The following CSMD3 variants were observed in gnomAD, a reference collection of about 807,000 sequenced individuals.
CSMD3 encodes the protein CUB and Sushi multiple domains 3.
CSMD3 carries 177 observed loss-of-function variants against 435.2 expected under a neutral mutation model. That is an observed-to-expected ratio of 0.41 (90% CI 0.36 to 0.46). CSMD3 has a LOEUF of 0.46. Ranked by LOEUF, CSMD3 falls within the 20% of genes least tolerant of loss-of-function variation. The probability of loss-of-function intolerance (pLI) is 0.34; values close to 1 mark genes in which losing one functional copy is unlikely to be tolerated. For missense variants in CSMD3, 4,265 were observed against 4,504.6 expected, an observed-to-expected ratio of 0.95 and a Z score of 1.52; for synonymous variants, 1,656 against 1,520.5, an observed-to-expected ratio of 1.09 and a Z score of -2.07.
chr8:112,912,462 G>A (rs2082450138), intron 10 of CSMD3, among the ~76,000 whole-genome samples: 2 of 151,704 alleles, frequency 1.3e-5, no homozygotes, highest in Admixed American at 1.3e-4. Flanking sequence ...TAACAGATGT[G>A]AGGTGATACC....
intron 3 of CSMD3, among the ~76,000 whole-genome samples, chr8:113,185,558 C>T (rs2092486074): frequency 6.6e-6 from 1 of 151,994 alleles, no homozygotes. Flanking sequence ...CTTTCATCTC[C>T]CCCTGTTTTA....
chr8:112,447,895 G>A (rs2130565653), intron 32 of CSMD3, among the ~76,000 whole-genome samples: 1 of 152,088 alleles, frequency 6.6e-6, no homozygotes, highest in East Asian at 1.9e-4. Context: ...ATCTTCTGGA[G>A]TGAATTGTGT....
At chr8:112,955,204 T>C (rs1341520258) in intron 7 of CSMD3, among the ~76,000 whole-genome samples, 1 of 151,706 alleles carries the variant, frequency 6.6e-6, no homozygotes, top group Non-Finnish European at 1.5e-5. Flanking sequence ...TTTGAAATGT[T>C]AGAACACATT....
chr8:112,884,258 T>C (rs1029184647), intron 10 of CSMD3, among the ~76,000 whole-genome samples: 13 of 151,800 alleles, frequency 8.6e-5, no homozygotes, highest in African/African-American at 1.9e-4. Context: ...AGAGTATCAC[T>C]CTCAGTTTTA....
chr8:113,187,516 C>T (rs1040034301), intron 3 of CSMD3, among the ~76,000 whole-genome samples: 1 of 151,948 alleles, frequency 6.6e-6, no homozygotes, highest in Non-Finnish European at 1.5e-5. Context: ...AATTACAACC[C>T]TGATAATGAA....
At chr8:113,409,453 T>C (rs16884622) in intron 1 of CSMD3, among the ~76,000 whole-genome samples, 1,898 of 152,250 alleles carry the variant, frequency 0.012, 46 homozygotes, top group African/African-American at 0.044. Flanking sequence ...CATGCCTTTA[T>C]TCTCCATGAA....
At chr8:112,760,450 C>T (rs1426277905) in intron 13 of CSMD3, among the ~76,000 whole-genome samples, 1 of 152,118 alleles carries the variant, frequency 6.6e-6, no homozygotes, top group Non-Finnish European at 1.5e-5. Flanking sequence ...ATTTATACTT[C>T]ATGCTAAACC....
chr8:112,321,798 T>C (rs1484163583), intron 45 of CSMD3, among the ~76,000 whole-genome samples: 6 of 152,140 alleles, frequency 3.9e-5, no homozygotes, highest in Non-Finnish European at 8.8e-5. Flanking sequence ...AAAACACCAC[T>C]GTACAGAAGG....
Position 112,352,617 on chromosome 8 carries a change from A to G in CSMD3, c.6137-83T>C, listed in dbSNP as rs897311732. Reference sequence around the variant, plus strand: ...ATGCATATTAAGTTGCTAAAATTGAATATCAGTGTCTCATCAAACTAGATA... The same window carrying G: ...ATGCATATTAAGTTGCTAAAATTGAGTATCAGTGTCTCATCAAACTAGATA... On this transcript the variant is annotated intron_variant, in intron 38 of 70. Transcript: ENST00000297405. 35 of 1,203,674 alleles carry G rather than the reference A, an allele frequency of 2.9e-5. No individual in the cohort carries two copies. The Admixed American group carries it at 4.7e-4, about 16-fold the overall frequency. 74.6% of individuals were successfully genotyped at this position (1,203,674 alleles called of 1,614,324 possible).
rs144848771 is a variant in CSMD3, at chr8:112,896,514, C to T, written c.1633+25113G>A. On this transcript the variant is annotated intron_variant, in intron 10 of 70. Coordinates refer to ENST00000297405, the MANE Select transcript of CSMD3 (RefSeq NM_198123.2). ...AGAAATTCAGAAGTAATTTATGATA[C>T]CAAATTTTCTTTTACCCAGTACCAC... 1.6e-3 allele frequency among the ~76,000 whole-genome samples: 245 copies of T among 151,372 alleles called. 1 individual carries two copies. Among genetic ancestry groups the T allele is most frequent in the African/African-American group, 5.8e-3 (240 of 41,406 alleles).
rs1455778858 is a variant in CSMD3, at chr8:112,778,329, T to C, written c.1972+21833A>G. Among the ~76,000 whole-genome samples, 3 of 151,956 alleles carry C rather than the reference T, an allele frequency of 2.0e-5. No homozygotes were observed. The East Asian group carries it at 5.8e-4, about 29-fold the overall frequency. On this transcript the variant is annotated intron_variant, in intron 13 of 70. Transcript: ENST00000297405. ...TCTACTATTGTCATATTATGTATCA[T>C]AGCTTTACTGACCTAAAAATCCTCT... is the stretch of plus-strand genomic sequence containing the variant.
At chr8:112,813,931 G>T (rs1188271314) in intron 12 of CSMD3, among the ~76,000 whole-genome samples, 1 of 152,170 alleles carries the variant, frequency 6.6e-6, no homozygotes, top group East Asian at 1.9e-4. Context: ...CCTGCAAATG[G>T]TGCAAATGTC....
chr8:113,206,997 G>A lies in CSMD3; in HGVS notation c.515-33081C>T, dbSNP rs578199465. On this transcript the variant is annotated intron_variant, in intron 3 of 70. Coordinates refer to ENST00000297405, the MANE Select transcript of CSMD3 (RefSeq NM_198123.2). Reference sequence around the variant, plus strand: ...GAAATTTCGGCATCTAGTTGGGCACGGTAAAAATGCAGGCTACTGTGTTCT... The same window carrying A: ...GAAATTTCGGCATCTAGTTGGGCACAGTAAAAATGCAGGCTACTGTGTTCT... Among the ~76,000 whole-genome samples the A allele has an allele frequency of 3.3e-5, 5 of 152,026 alleles. No homozygotes were observed. The East Asian group carries it at 5.8e-4, about 18-fold the overall frequency.
chr8:113,412,431 C>A lies in CSMD3; in HGVS notation c.178+24246G>T, dbSNP rs917691587. Among the ~76,000 whole-genome samples, 5 of 152,154 alleles carry A rather than the reference C, an allele frequency of 3.3e-5. No individual in the cohort carries two copies. The South Asian group carries it at 8.3e-4, about 25-fold the overall frequency. ...TAATTGAATTTCCCCCCAAAAACAA[C>A]AACACGTAGGCAAGGCTGCTTTTAT... is the stretch of plus-strand genomic sequence containing the variant. On this transcript the variant is annotated intron_variant, in intron 1 of 70. Transcript: ENST00000297405.
At chr8:112,316,898 A>G in intron 47 of CSMD3, among the ~76,000 whole-genome samples, 1 of 151,986 alleles carries the variant, frequency 6.6e-6, no homozygotes, top group East Asian at 1.9e-4. Flanking sequence ...GAGAAGAAAA[A>G]TGATACTACT....
intron 32 of CSMD3, among the ~76,000 whole-genome samples, chr8:112,424,928 G>A (rs1464693827): frequency 6.6e-6 from 1 of 152,152 alleles, no homozygotes. Context: ...TCGACCTTGC[G>A]GTCTGCCCAC....
rs368722378 is a variant in CSMD3 at position 112,517,069 on chromosome 8, C to T, written c.4721G>A (p.Arg1574Gln). The T allele has an allele frequency of 1.1e-5, 17 of 1,613,544 alleles. No homozygotes were observed. Among genetic ancestry groups the T allele is most frequent in the Non-Finnish European group, 1.3e-5 (15 of 1,179,872 alleles). The change falls in exon 28 of 71, where the codon CGG becomes CAG. Residue 1574 changes from arginine (R) to glutamine (Q), a missense_variant. Arg to Gln is a conservative substitution (Grantham distance 43, BLOSUM62 1). Coordinates refer to ENST00000297405, the MANE Select transcript of CSMD3 (RefSeq NM_198123.2). ...TGGTGGGCTGGGCTGCCAGAAGTAC[C>T]GATTTTCTACCTGAATGCAGGTTAT... is the stretch of plus-strand genomic sequence containing the variant. The part of the protein sequence containing the change: ...ERITCIQVEN[R>Q]YFWQPSPPVC...
intron 13 of CSMD3, among the ~76,000 whole-genome samples, chr8:112,789,477 A>G (rs1396188261): frequency 6.6e-6 from 1 of 152,068 alleles, no homozygotes. Context: ...TTATTTAAAT[A>G]AATGAGTTTT....
intron 53 of CSMD3, among the ~76,000 whole-genome samples, chr8:112,297,389 A>G (rs1820415383): frequency 1.3e-5 from 2 of 152,092 alleles, no homozygotes; most frequent in South Asian, 4.1e-4. Context: ...ATAATACATC[A>G]TGATTATCTG....
Sources: allele counts gnomAD v4.1 joint callset (sites outside exome capture counted in the v4.1 genomes callset), GRCh38; gene constraint gnomAD v4.1.1; transcripts MANE v1.5; gene names NCBI Gene and HGNC (gene_info 2026-07-23, HGNC 2026-07-21).